NDFIP2: variants seen among roughly 807,000 people sequenced by gnomAD.
NDFIP2 encodes the protein NEDD4 family-interacting protein 2.
In NDFIP2, 19 loss-of-function variants were observed where a neutral mutation model predicts 36.0. That is an observed-to-expected ratio of 0.53 (90% CI 0.37 to 0.77). NDFIP2 has a LOEUF of 0.77. NDFIP2 is among the 30% of genes least tolerant of loss of function. The pLI is 0.00. For missense variants in NDFIP2, 446 were observed against 435.8 expected, an observed-to-expected ratio of 1.02 and a Z score of -0.21; for synonymous variants, 181 against 167.7, an observed-to-expected ratio of 1.08 and a Z score of -0.61.
chr13:79,494,841 A>G (rs1007800688), intron 1 of NDFIP2, among the ~76,000 whole-genome samples: 15 of 151,956 alleles, frequency 9.9e-5, no homozygotes, highest in South Asian at 2.1e-4. Context: ...CTGTAGTGAT[A>G]ATAACCTCTT....
chr13:79,530,468 A>G (rs572359914), intron 2 of NDFIP2, among the ~76,000 whole-genome samples: 87 of 152,240 alleles, frequency 5.7e-4, no homozygotes, highest in African/African-American at 1.7e-3. Flanking sequence ...TGCTACATCA[A>G]TTGACTCTTT....
intron 3 of NDFIP2, among the ~76,000 whole-genome samples, chr13:79,535,709 C>G (rs1875209337): frequency 6.6e-6 from 1 of 152,138 alleles, no homozygotes; most frequent in South Asian, 2.1e-4. Context: ...GCATATGAGT[C>G]TCCATTACCT....
At chr13:79,541,041 T>A (rs1434124934) in intron 4 of NDFIP2, among the ~76,000 whole-genome samples, 3 of 152,154 alleles carry the variant, frequency 2.0e-5, no homozygotes, top group Non-Finnish European at 4.4e-5. Context: ...ATTAATAACA[T>A]TTTAATAACA....
At position 79,536,859 on chromosome 13, in the gene NDFIP2, A is replaced by G. The variant is rs373589547; in HGVS notation, c.622-2823A>G. 5.8e-3 allele frequency among the ~76,000 whole-genome samples: 880 copies of G among 151,362 alleles called. 6 individuals carry two copies. Among genetic ancestry groups the G allele is most frequent in the Non-Finnish European group, 9.3e-3 (627 of 67,774 alleles). On this transcript the variant is annotated intron_variant, in intron 3 of 7. Transcript: ENST00000218652. ...GGCAACACAGCGAGACCTTATTTCC[A>G]CTAAAAAGAAAAAAAAAAATCAGCT...
intron 1 of NDFIP2, among the ~76,000 whole-genome samples, chr13:79,502,056 A>G (rs1873688406): frequency 6.6e-6 from 1 of 152,106 alleles, no homozygotes; most frequent in African/African-American, 2.4e-5. Flanking sequence ...TGTACCTGGA[A>G]CATATTAGGC....
intron 1 of NDFIP2, among the ~76,000 whole-genome samples, chr13:79,519,538 C>G (rs1253543495): frequency 6.6e-6 from 1 of 152,162 alleles, no homozygotes; most frequent in South Asian, 2.1e-4. Context: ...TTACTCTACT[C>G]TTTCTTACTG....
intron 3 of NDFIP2, among the ~76,000 whole-genome samples, chr13:79,536,269 G>T (rs138965047): frequency 1.3e-5 from 2 of 152,088 alleles, no homozygotes; most frequent in African/African-American, 2.4e-5. Flanking sequence ...TTTGTAACTT[G>T]TTTTAAATTG....
At chr13:79,525,282 C>G (rs897607632) in intron 2 of NDFIP2, among the ~76,000 whole-genome samples, 1 of 152,224 alleles carries the variant, frequency 6.6e-6, no homozygotes, top group Non-Finnish European at 1.5e-5. Context: ...TCCATCTTAA[C>G]TAAGCACTTA....
At chr13:79,544,454 G>A (rs1174372098) in intron 5 of NDFIP2, among the ~76,000 whole-genome samples, 1 of 151,000 alleles carries the variant, frequency 6.6e-6, no homozygotes, top group Non-Finnish European at 1.5e-5. Context: ...GCCTTTTGAA[G>A]GCCTCTTTTG....
In NDFIP2 at chr13:79,550,996, A is replaced by G. The variant is rs929071951; in HGVS notation, c.908-21A>G. 6 of 1,425,898 alleles carry G rather than the reference A, an allele frequency of 4.2e-6. No individual in the cohort carries two copies. In the African/African-American group the frequency reaches 4.3e-5, roughly 10 times the overall value. 88.3% of individuals were successfully genotyped at this position (1,425,898 alleles called of 1,614,324 possible). ...TTCTGTATAAAAACATAGTATATCC[A>G]TATTATTTCAACCTTCTCAGGCCTG... On this transcript the variant is annotated intron_variant, in intron 6 of 7. Transcript: ENST00000218652.
intron 1 of NDFIP2, among the ~76,000 whole-genome samples, chr13:79,486,669 G>A (rs55666614): frequency 0.011 from 1,724 of 152,204 alleles, 34 homozygotes; most frequent in African/African-American, 0.04. Context: ...TCCAACTCCT[G>A]GTTTTGTAAA....
intron 4 of NDFIP2, 80 bp downstream of exon 4, chr13:79,539,855 G>A: frequency 1.7e-6 from 2 of 1,158,598 alleles, no homozygotes; most frequent in Non-Finnish European, 2.6e-6. Flanking sequence ...GTGAAGAGAA[G>A]CAAATATTGT....
chr13:79,549,413 T>C (rs535779175), intron 6 of NDFIP2, among the ~76,000 whole-genome samples: 1 of 152,006 alleles, frequency 6.6e-6, no homozygotes, highest in East Asian at 1.9e-4. Flanking sequence ...TTTGTGTGTA[T>C]ATATATATTA....
At chr13:79,499,643 G>A (rs1252899489) in intron 1 of NDFIP2, among the ~76,000 whole-genome samples, 3 of 151,672 alleles carry the variant, frequency 2.0e-5, no homozygotes, top group African/African-American at 7.3e-5. Context: ...CCCCCCAAAA[G>A]AAATACTTAA....
At chr13:79,492,964 A>T (rs1378239632) in intron 1 of NDFIP2, among the ~76,000 whole-genome samples, 1 of 151,968 alleles carries the variant, frequency 6.6e-6, no homozygotes, top group Non-Finnish European at 1.5e-5. Flanking sequence ...TCTTCAAAAA[A>T]CCTTTCCTTC....
intron 1 of NDFIP2, among the ~76,000 whole-genome samples, chr13:79,489,428 A>G (rs1012957050): frequency 1.3e-5 from 2 of 152,184 alleles, no homozygotes; most frequent in East Asian, 3.8e-4. Context: ...GCAGTATCCT[A>G]TTGGTCAGAG....
intron 1 of NDFIP2, among the ~76,000 whole-genome samples, chr13:79,497,795 G>GTGTGTGT (rs1555356394): frequency 3.1e-5 from 4 of 128,992 alleles, no homozygotes; most frequent in East Asian, 2.2e-4. Flanking sequence ...ATCTGTGGGG[G>GTGTGTGT]GTGTGTGTGT....
intron 3 of NDFIP2, among the ~76,000 whole-genome samples, chr13:79,538,895 A>T (rs1875350242): frequency 6.6e-6 from 1 of 151,986 alleles, no homozygotes; most frequent in Non-Finnish European, 1.5e-5. Flanking sequence ...ATAATCTTTG[A>T]CTCCACGTCT....
chr13:79,498,733 A>G (rs1024846392), intron 1 of NDFIP2, among the ~76,000 whole-genome samples: 2 of 152,036 alleles, frequency 1.3e-5, no homozygotes, highest in Non-Finnish European at 2.9e-5. Flanking sequence ...CAGAGCCATC[A>G]TGACCAAATC....
Sources: allele counts gnomAD v4.1 joint callset (sites outside exome capture counted in the v4.1 genomes callset), GRCh38; gene constraint gnomAD v4.1.1; transcripts MANE v1.5; gene names NCBI Gene and HGNC (gene_info 2026-07-23, HGNC 2026-07-21).